MTOR: variants seen among roughly 807,000 people sequenced by gnomAD.
The protein encoded by MTOR is mechanistic target of rapamycin kinase, also known as serine/threonine-protein kinase mTOR.
Under a neutral mutation model 319.8 loss-of-function variants are expected in MTOR, and 70 were observed. The ratio of observed to expected loss-of-function variants is 0.22; its 90% CI spans 0.18 to 0.27. The LOEUF (loss-of-function observed/expected upper bound fraction) is 0.27. Among genes scored for constraint, MTOR ranks in the 10% least tolerant of loss-of-function variants. The pLI is 1.00. For synonymous variants in MTOR, 1,183 were observed against 1,211.4 expected (o/e 0.98, Z 0.49); for missense variants, 1,890 against 3,274.4 (o/e 0.58, Z 10.32).
intron 19 of MTOR, among the ~76,000 whole-genome samples, chr1:11,218,640 C>A (rs1325459036): frequency 1.3e-5 from 2 of 151,992 alleles, no homozygotes; most frequent in Admixed American, 1.3e-4. Flanking sequence ...TTTTATTAGG[C>A]ATGATTAGGG....
At chr1:11,240,657 G>C (rs1647886884) in intron 10 of MTOR, 110 bp from the exon 11 acceptor site, 4 of 1,321,988 alleles carry the variant, frequency 3.0e-6, no homozygotes, top group Non-Finnish European at 2.1e-6. Context: ...CTGTTCTTCA[G>C]AGTAGAAAGG....
At chr1:11,142,213 G>T (rs974725649) in intron 34 of MTOR, among the ~76,000 whole-genome samples, 1 of 151,544 alleles carries the variant, frequency 6.6e-6, no homozygotes, top group African/African-American at 2.4e-5. Flanking sequence ...GGCTTGCAGG[G>T]AAGTTAAAAT....
intron 28 of MTOR, chr1:11,189,482 C>T (rs1167264436): frequency 1.5e-5 from 21 of 1,391,414 alleles, no homozygotes; most frequent in South Asian, 2.8e-5. Context: ...AGAGTGAAAG[C>T]GTAAGGTTCA....
In MTOR at chr1:11,107,317, C is replaced by T; in HGVS notation, c.*168G>A. ...CTGACAATATATTCTTCAACAGCAGCTAGAAAGTTGGTTCAAACCAACTTT... is the reference window on the plus strand; with the variant it reads ...CTGACAATATATTCTTCAACAGCAGTTAGAAAGTTGGTTCAAACCAACTTT... On this transcript the variant is annotated 3_prime_UTR_variant, in exon 58 of 58. Transcript: ENST00000361445. 6.7e-7 allele frequency: 1 copy of T among 1,495,444 alleles called. No individual in the cohort carries two copies. The highest frequency in any genetic ancestry group is 8.9e-7 in the Non-Finnish European group (1 of 1,125,132). The allele number at this position is 1,495,444 out of a possible 1,614,324, so 92.6% of individuals were successfully genotyped here.
At chr1:11,116,687 T>A (rs1642184878) in intron 50 of MTOR, among the ~76,000 whole-genome samples, 1 of 152,268 alleles carries the variant, frequency 6.6e-6, no homozygotes, top group African/African-American at 2.4e-5. Context: ...TTTATTGAGA[T>A]GGGGTCTTGC....
chr1:11,219,532 G>A (rs372825205), intron 19 of MTOR, among the ~76,000 whole-genome samples: 6 of 152,150 alleles, frequency 3.9e-5, no homozygotes, highest in African/African-American at 7.2e-5. Flanking sequence ...TGCAAATTTA[G>A]AGCAGATTTT....
At chr1:11,186,926 C>G (rs1449046590) in intron 28 of MTOR, among the ~76,000 whole-genome samples, 1 of 152,106 alleles carries the variant, frequency 6.6e-6, no homozygotes, top group Non-Finnish European at 1.5e-5. Flanking sequence ...TCAAGTATTG[C>G]CTTATGTTAG....
intron 1 of MTOR, among the ~76,000 whole-genome samples, chr1:11,260,710 G>T (rs1650998220): frequency 9.2e-6 from 1 of 108,860 alleles, no homozygotes; most frequent in South Asian, 4.1e-4. Flanking sequence ...AATTGATATA[G>T]TGTCCATTCT....
chr1:11,150,770 G>A (rs1347135756), intron 30 of MTOR, among the ~76,000 whole-genome samples: 1 of 152,178 alleles, frequency 6.6e-6, no homozygotes, highest in Non-Finnish European at 1.5e-5. Flanking sequence ...CACAATTGCT[G>A]AATGTGAAGG....
chr1:11,241,790 C>G (rs1648070472), intron 9 of MTOR, 109 bp from the exon 10 acceptor site: 4 of 1,257,826 alleles, frequency 3.2e-6, no homozygotes, highest in Non-Finnish European at 4.5e-6. Context: ...AGGGCTACCA[C>G]AGATGGGTAT....
intron 31 of MTOR, among the ~76,000 whole-genome samples, chr1:11,148,501 A>T (rs1283734610): frequency 6.6e-6 from 1 of 152,200 alleles, no homozygotes; most frequent in African/African-American, 2.4e-5. Context: ...GAATGGTTTA[A>T]GAAAAAATTT....
intron 26 of MTOR, among the ~76,000 whole-genome samples, chr1:11,201,252 T>G (rs1165922461): frequency 6.6e-6 from 1 of 152,092 alleles, no homozygotes; most frequent in African/African-American, 2.4e-5. Context: ...ATAAAAACAT[T>G]GTGTATATCA....
chr1:11,256,789 C>G, intron 4 of MTOR, 144 bp downstream of exon 4: 1 of 736,264 alleles, frequency 1.4e-6, no homozygotes, highest in Non-Finnish European at 2.2e-6. Context: ...CTCTTAAGGA[C>G]GGACTCTACC....
chr1:11,247,943 A>G lies in MTOR; in HGVS notation c.992T>C (p.Val331Ala). Residue 331 changes from valine to alanine, a missense_variant, in exon 7 of 58, where the codon GTG becomes GCG. This residue lies in a region of MTOR where 418 missense variants were observed against 543.1 expected (regional missense o/e 0.77). Coordinates refer to ENST00000361445, the MANE Select transcript of MTOR (RefSeq NM_004958.4). ...GTGAGAGCTGTACCCCAGCAGCCCC[A>G]CCAAGGCATTTGACTGCTGGGGCTG... ...AVQPQQSNAL[V>A]GLLGYSSHQG... The G allele has an allele frequency of 6.2e-7, 1 of 1,614,112 alleles. No individual in the cohort carries two copies. The highest frequency in any genetic ancestry group is 8.5e-7 in the Non-Finnish European group (1 of 1,180,022).
chr1:11,253,643 C>G (rs879618014), intron 6 of MTOR, among the ~76,000 whole-genome samples, 196 bp downstream of exon 6: 1 of 152,198 alleles, frequency 6.6e-6, no homozygotes, highest in Non-Finnish European at 1.5e-5. Flanking sequence ...CCACTCACCC[C>G]CTCCCCATCA....
At chr1:11,216,282 AC>A (rs1557433605) in intron 19 of MTOR, 48 bp from the exon 20 acceptor site, 2 of 1,444,358 alleles carry the variant, frequency 1.4e-6, no homozygotes, top group Non-Finnish European at 1.9e-6. Context: ...AGGACATTGA[AC>A]CCCCAGGCTT....
intron 49 of MTOR, among the ~76,000 whole-genome samples, chr1:11,117,893 A>G (rs2100336230): frequency 6.6e-6 from 1 of 152,184 alleles, no homozygotes; most frequent in Admixed American, 6.5e-5. Flanking sequence ...CAGCCTGACC[A>G]ACATGGTGAA....
At chr1:11,130,397 T>C (rs1382610192) in intron 39 of MTOR, 132 bp downstream of exon 39, 26 of 1,384,410 alleles carry the variant, frequency 1.9e-5, no homozygotes, top group Admixed American at 4.6e-5. Flanking sequence ...GGATGGTAGA[T>C]AGGCAGTATT....
At chr1:11,174,487 G>T (rs1382351409) in intron 28 of MTOR, among the ~76,000 whole-genome samples, 1 of 152,162 alleles carries the variant, frequency 6.6e-6, no homozygotes, top group Non-Finnish European at 1.5e-5. Flanking sequence ...TGCCATCACA[G>T]CAGGCTTTTC....
Sources: gnomAD v4.1 joint callset for allele counts (sites outside exome capture counted in the v4.1 genomes callset) on GRCh38, gnomAD v4.1.1 for gene constraint, gnomAD v4.1.1 regional missense constraint, MANE v1.5 for transcripts, NCBI Gene and HGNC (gene_info 2026-07-23, HGNC 2026-07-21) for gene names.